TMC2: variants seen among roughly 807,000 people sequenced by gnomAD.
The protein encoded by TMC2 is transmembrane channel like 2, also known as transmembrane channel-like protein 2.
In TMC2, 102 loss-of-function variants were observed where a neutral mutation model predicts 105.9. The ratio of observed to expected loss-of-function variants is 0.96; its 90% CI spans 0.82 to 1.14. TMC2 has a LOEUF of 1.14. Ranked by LOEUF, TMC2 falls within the 50% of genes most tolerant of loss-of-function variation. The pLI, the probability that TMC2 is intolerant of heterozygous loss-of-function variation, is 0.00. For synonymous variants in TMC2, 402 were observed against 422.8 expected, an observed-to-expected ratio of 0.95 and a Z score of 0.60; for missense variants, 1,093 against 1,134.3, an observed-to-expected ratio of 0.96 and a Z score of 0.52.
At chr20:2,542,219 A>C (rs900149704) in intron 2 of TMC2, among the ~76,000 whole-genome samples, 1 of 152,210 alleles carries the variant, frequency 6.6e-6, no homozygotes, top group African/African-American at 2.4e-5. Flanking sequence ...GGAGGTGGTT[A>C]GAATTTGGGG....
intron 11 of TMC2, among the ~76,000 whole-genome samples, chr20:2,605,008 C>T (rs1042681604): frequency 6.6e-6 from 1 of 152,184 alleles, no homozygotes; most frequent in Non-Finnish European, 1.5e-5. Flanking sequence ...TGCTTTATAG[C>T]CAAATCGAAC....
chr20:2,643,515 T>C lies in TMC2; in HGVS notation c.*2164T>C, dbSNP rs1283109072. Reference sequence around the variant, plus strand: ...GTGACGGAATGTATATGTCATCTAATGCTGCATAACAAATTATTCCCAAAA... The same window carrying C: ...GTGACGGAATGTATATGTCATCTAACGCTGCATAACAAATTATTCCCAAAA... On this transcript the variant is annotated 3_prime_UTR_variant, in exon 20 of 20. Coordinates refer to ENST00000358864, the MANE Select transcript of TMC2 (RefSeq NM_080751.3). Among the ~76,000 whole-genome samples the C allele has an allele frequency of 3.3e-5, 5 of 152,376 alleles. No homozygotes were observed. In the East Asian group the frequency reaches 7.7e-4, roughly 23 times the overall value.
intron 2 of TMC2, among the ~76,000 whole-genome samples, chr20:2,539,990 CT>C (rs57860432): frequency 0.02 from 2,275 of 115,052 alleles, 40 homozygotes; most frequent in Admixed American, 0.055. Context: ...CTTTTCTTTT[CT>C]TTTTTTTTTT....
At chr20:2,539,136 G>A (rs867589913) in intron 2 of TMC2, among the ~76,000 whole-genome samples, 1 of 152,326 alleles carries the variant, frequency 6.6e-6, no homozygotes, top group Non-Finnish European at 1.5e-5. Context: ...TGCTACATAG[G>A]AGGAGGCCTG....
intron 19 of TMC2, 24 bp from the exon 20 acceptor site, chr20:2,641,106 CTCTT>C (rs770292582): frequency 4.6e-5 from 73 of 1,603,786 alleles, no homozygotes; most frequent in Non-Finnish European, 5.9e-5. Flanking sequence ...CTCCCACTTC[CTCTT>C]TCTTGTCTTG....
chr20:2,560,245 T>C (rs1254397270), intron 3 of TMC2, among the ~76,000 whole-genome samples: 2 of 145,038 alleles, frequency 1.4e-5, no homozygotes, highest in Non-Finnish European at 3.0e-5. Flanking sequence ...ATATCATCAA[T>C]TGGGTGTGCA....
intron 9 of TMC2, among the ~76,000 whole-genome samples, chr20:2,595,873 G>A (rs1427176076): frequency 2.6e-5 from 4 of 152,162 alleles, no homozygotes; most frequent in African/African-American, 9.7e-5. Flanking sequence ...CATGGTCTCA[G>A]GCGGAAATGC....
chr20:2,572,145 C>G, intron 4 of TMC2, 34 bp from the exon 5 acceptor site: 1 of 1,529,822 alleles, frequency 6.5e-7, no homozygotes, highest in Non-Finnish European at 9.0e-7. Flanking sequence ...TAGGTGCTAA[C>G]TGAAATCCTG....
At chr20:2,536,780 C>G in intron 1 of TMC2, 125 bp downstream of exon 1, 1 of 1,039,412 alleles carries the variant, frequency 9.6e-7, no homozygotes, top group Non-Finnish European at 1.5e-6. Context: ...CAGGGCCTGT[C>G]CCCTGTGCGC....
chr20:2,639,000 A>C (rs895542480), intron 19 of TMC2, among the ~76,000 whole-genome samples: 1 of 151,990 alleles, frequency 6.6e-6, no homozygotes, highest in Non-Finnish European at 1.5e-5. Flanking sequence ...GGTTCAAGTG[A>C]TTCTCCTGCC....
At chr20:2,581,459 AACGTC>A (rs2086189067) in intron 7 of TMC2, among the ~76,000 whole-genome samples, 2 of 152,224 alleles carry the variant, frequency 1.3e-5, no homozygotes, top group Non-Finnish European at 2.9e-5. Flanking sequence ...TAGCATTTTA[AACGTC>A]ACTGTCAAGC....
At chr20:2,610,378 A>G in intron 11 of TMC2, 41 bp from the exon 12 acceptor site, 2 of 1,566,032 alleles carry the variant, frequency 1.3e-6, no homozygotes, top group South Asian at 1.2e-5. Flanking sequence ...CCAAACAAGT[A>G]TAATGTTGAT....
chr20:2,543,647 C>T (rs1162716034), intron 2 of TMC2, among the ~76,000 whole-genome samples: 1 of 152,112 alleles, frequency 6.6e-6, no homozygotes, highest in Non-Finnish European at 1.5e-5. Context: ...GAAGCAGAGG[C>T]GTAGCACAAA....
In TMC2 at chr20:2,617,109, A is replaced by C; in HGVS notation, c.1978A>C (p.Asn660His). The change falls in exon 16 of 20, where the codon AAT becomes CAT. Residue 660 changes from asparagine (N) to histidine (H), a missense_variant. Physicochemically the swap from Asn to His is moderately conservative, Grantham distance 68 (BLOSUM62 1). Transcript: ENST00000358864. The part of the protein sequence containing the change: ...SFYAPGLVGI[N>H]VLRLLTSMYF... ...CTATGCTCCAGGCCTGGTGGGCATT[A>C]ATGTGCTGCGCCTGCTGACCTCCAT... The C allele has an allele frequency of 6.2e-7, 1 of 1,614,144 alleles. No homozygotes were observed. Among genetic ancestry groups the C allele is most frequent in the Non-Finnish European group, 8.5e-7 (1 of 1,180,012 alleles).
Position 2,594,877 on chromosome 20 carries a change from C to A in TMC2, c.986C>A (p.Thr329Asn), listed in dbSNP as rs573106775. The part of the protein sequence containing the change: ...LFYGYYNNQR[T>N]IGWLRYRLPM... ...TATGGCTACTACAACAACCAGAGGACCATCGGGTGGCTGAGGTACCGGCTG... is the reference window on the plus strand; with the variant it reads ...TATGGCTACTACAACAACCAGAGGAACATCGGGTGGCTGAGGTACCGGCTG... Residue 329 changes from threonine (T) to asparagine (N), a missense_variant, in exon 9 of 20, where the codon ACC (threonine) becomes AAC (asparagine). By Grantham distance (65) the Thr-to-Asn change is moderately conservative. Coordinates refer to ENST00000358864, the MANE Select transcript of TMC2 (RefSeq NM_080751.3). 3 of 1,614,142 alleles carry A rather than the reference C, an allele frequency of 1.9e-6. No homozygotes were observed. In the Admixed American group the frequency reaches 5.0e-5, roughly 27 times the overall value.
intron 17 of TMC2, among the ~76,000 whole-genome samples, chr20:2,628,668 GA>G (rs1204802679): frequency 1.3e-5 from 2 of 152,188 alleles, no homozygotes; most frequent in Non-Finnish European, 2.9e-5. Context: ...GCCACTTTGT[GA>G]AGAAGGTGCC....
At chr20:2,555,670 A>G (rs2085981127) in intron 2 of TMC2, among the ~76,000 whole-genome samples, 1 of 152,122 alleles carries the variant, frequency 6.6e-6, no homozygotes, top group Admixed American at 6.6e-5. Flanking sequence ...AATGTTTACC[A>G]TATTTGTTGC....
At position 2,572,156 on chromosome 20, in the gene TMC2, CTTTTT is replaced by C; in HGVS notation, c.555-13_555-9del. The stretch of plus-strand genomic sequence containing the variant: ...TGGTTAGGTGCTAACTGAAATCCTG[CTTTTT>C]TTTTTTTTTCTAAGCAGGGAGGCCC... On this transcript the variant is annotated intron_variant, in intron 4 of 19. Coordinates refer to ENST00000358864, the MANE Select transcript of TMC2 (RefSeq NM_080751.3). 1 of 1,273,992 alleles carries C rather than the reference CTTTTT, an allele frequency of 7.8e-7. No individual in the cohort carries two copies. Among genetic ancestry groups the C allele is most frequent in the Non-Finnish European group, 1.1e-6 (1 of 910,728 alleles). The allele number at this position is 1,273,992 out of a possible 1,614,324, so 78.9% of individuals were successfully genotyped here. A position where few individuals can be genotyped will look rare whatever the true frequency, so the allele number is the denominator to read the frequency against.
rs1242272353 is a variant in TMC2 at position 2,537,302 on chromosome 20, G to A, written c.68G>A (p.Gly23Asp). 6.9e-6 allele frequency: 11 copies of A among 1,602,524 alleles called. No individual in the cohort carries two copies. The African/African-American group carries it at 1.2e-4, about 18-fold the overall frequency. The change falls in exon 2 of 20, where the codon GGC becomes GAC. Residue 23 changes from glycine (G) to aspartate (D), a missense_variant. Physicochemically the swap from Gly to Asp is moderately conservative, Grantham distance 94. Transcript: ENST00000358864. ...RGGVKGRVKS[G>D]SPHTGDRLGR... ...GGAGTGAAAGGGCGGGTGAAGAGCG[G>A]CTCTCCACACACAGGTGAGATGGGG...
Sources: gnomAD v4.1 joint callset for allele counts (sites outside exome capture counted in the v4.1 genomes callset) on GRCh38, gnomAD v4.1.1 for gene constraint, MANE v1.5 for transcripts, NCBI Gene and HGNC (gene_info 2026-07-23, HGNC 2026-07-21) for gene names.